ANLN: variants seen among roughly 807,000 people sequenced by gnomAD.
ANLN encodes anillin, actin binding protein, also known as anillin.
Under a neutral mutation model 135.1 loss-of-function variants are expected in ANLN, and 59 were observed. That is an observed-to-expected ratio of 0.44 (90% CI 0.35 to 0.54). The LOEUF is 0.54. Ranked by LOEUF, ANLN falls within the 20% of genes least tolerant of loss-of-function variation. The pLI is 0.00. For synonymous variants in ANLN, 406 were observed against 456.4 expected (o/e 0.89, Z 1.41); for missense variants, 1,182 against 1,340.0 (o/e 0.88, Z 1.84).
chr7:36,435,959 T>C (rs1788532586), intron 20 of ANLN, among the ~76,000 whole-genome samples: 1 of 151,322 alleles, frequency 6.6e-6, no homozygotes, highest in Non-Finnish European at 1.5e-5. Flanking sequence ...AAATAATGTA[T>C]TGAAATGAAA....
At chr7:36,427,193 T>G (rs1788117433) in intron 20 of ANLN, among the ~76,000 whole-genome samples, 165 bp downstream of exon 20, 1 of 151,828 alleles carries the variant, frequency 6.6e-6, no homozygotes, top group Non-Finnish European at 1.5e-5. Context: ...CTAAATGTTT[T>G]TTTTTTTTTT....
intron 3 of ANLN, among the ~76,000 whole-genome samples, chr7:36,405,241 G>A (rs1787139644): frequency 6.6e-6 from 1 of 152,270 alleles, no homozygotes; most frequent in South Asian, 2.1e-4. Context: ...CTATATAGTA[G>A]GCTACACCAT....
chr7:36,399,455 T>C (rs1427576085), intron 3 of ANLN, 62 bp downstream of exon 3: 2 of 1,383,652 alleles, frequency 1.4e-6, no homozygotes, highest in Non-Finnish European at 2.0e-6. Context: ...GTTTGGTATG[T>C]TGAACATTTT....
chr7:36,400,262 T>C (rs999045191), intron 3 of ANLN, among the ~76,000 whole-genome samples: 1 of 152,224 alleles, frequency 6.6e-6, no homozygotes, highest in African/African-American at 2.4e-5. Context: ...CTTTCTTTCA[T>C]GTGTCCTTAA....
chr7:36,417,193 TG>T lies in ANLN; in HGVS notation c.1633+5del, dbSNP rs1421490436. 6.5e-7 allele frequency: 1 copy of T among 1,545,102 alleles called. No individual in the cohort carries two copies. The highest frequency in any genetic ancestry group is 8.9e-7 in the Non-Finnish European group (1 of 1,128,640). On this transcript the variant is annotated splice_donor_region_variant and intron_variant, in intron 9 of 23. Coordinates refer to ENST00000265748, the MANE Select transcript of ANLN (RefSeq NM_018685.5). ...CCCAAAGGTTGAGCAGAAAATTGGT[TG>T]GTTTTTATTCTTTATTTATTATTAA... is the stretch of plus-strand genomic sequence containing the variant.
chr7:36,421,801 G>A, intron 12 of ANLN, 56 bp from the exon 13 acceptor site: 2 of 1,477,132 alleles, frequency 1.4e-6, no homozygotes, highest in South Asian at 2.6e-5. Flanking sequence ...AAAATTTAAA[G>A]TGAAAATGAT....
chr7:36,399,544 C>T (rs1341206498), intron 3 of ANLN, 151 bp downstream of exon 3: 2 of 742,360 alleles, frequency 2.7e-6, no homozygotes, highest in Non-Finnish European at 4.2e-6. Context: ...GGTTTGTCTA[C>T]CAGTAGTATA....
chr7:36,434,736 T>G (rs1184840221), intron 20 of ANLN, among the ~76,000 whole-genome samples: 1 of 151,998 alleles, frequency 6.6e-6, no homozygotes. Flanking sequence ...TAGTGGTGCA[T>G]GCCTGTAACC....
At chr7:36,411,025 C>A in intron 6 of ANLN, 34 bp from the exon 7 acceptor site, 1 of 1,539,622 alleles carries the variant, frequency 6.5e-7, no homozygotes, top group Non-Finnish European at 8.7e-7. Context: ...ATGCTACCGG[C>A]TCTTGTGTAA....
At chr7:36,391,117 TTC>T (rs2116472671) in intron 1 of ANLN, among the ~76,000 whole-genome samples, 1 of 152,364 alleles carries the variant, frequency 6.6e-6, no homozygotes, top group South Asian at 2.1e-4. Flanking sequence ...TAATCTATTT[TTC>T]TGTTTCAAAT....
At chr7:36,441,025 CA>C (rs1644692429) in intron 21 of ANLN, among the ~76,000 whole-genome samples, 1 of 152,200 alleles carries the variant, frequency 6.6e-6, no homozygotes, top group Admixed American at 6.5e-5. Context: ...TACTTATTAA[CA>C]GTATTTTTTC....
At chr7:36,431,561 TTGTGTGTGTGTGTG>T (rs1186662720) in intron 20 of ANLN, among the ~76,000 whole-genome samples, 109 of 76,030 alleles carry the variant, frequency 1.4e-3, no homozygotes, top group African/African-American at 4.0e-3. Flanking sequence ...ATGTGTGTGT[TTGTGTGTGTGTGTG>T]TGTGTGTGTG....
chr7:36,451,049 T>G (rs1168389496), intron 23 of ANLN, among the ~76,000 whole-genome samples: 2 of 152,224 alleles, frequency 1.3e-5, no homozygotes, highest in Non-Finnish European at 2.9e-5. Context: ...CGCCCAAGCA[T>G]ATGAGAGTAG....
At chr7:36,397,435 G>A (rs1409335254) in intron 2 of ANLN, among the ~76,000 whole-genome samples, 1 of 152,194 alleles carries the variant, frequency 6.6e-6, no homozygotes, top group African/African-American at 2.4e-5. Context: ...ACATTTCGAT[G>A]TTTAGGTAGA....
intron 4 of ANLN, among the ~76,000 whole-genome samples, chr7:36,407,521 A>G (rs1165244321): frequency 6.6e-6 from 1 of 152,140 alleles, no homozygotes; most frequent in Non-Finnish European, 1.5e-5. Context: ...ATGCAGACTA[A>G]CCCACATATT....
intron 1 of ANLN, among the ~76,000 whole-genome samples, chr7:36,393,495 G>A (rs955343261): frequency 6.6e-6 from 1 of 152,330 alleles, no homozygotes; most frequent in East Asian, 1.9e-4. Context: ...ACAGGTTATA[G>A]GCAGAGCTAT....
intron 3 of ANLN, among the ~76,000 whole-genome samples, chr7:36,402,517 C>T (rs1026069075): frequency 2.0e-5 from 3 of 152,150 alleles, no homozygotes; most frequent in African/African-American, 7.2e-5. Flanking sequence ...TTTTCTAAAA[C>T]ACTTGCCTGC....
At chr7:36,427,732 C>T (rs552140215) in intron 20 of ANLN, among the ~76,000 whole-genome samples, 2 of 152,156 alleles carry the variant, frequency 1.3e-5, no homozygotes, top group South Asian at 4.1e-4. Context: ...GGTAGATTAA[C>T]CTCTTAGAAA....
intron 20 of ANLN, among the ~76,000 whole-genome samples, chr7:36,437,409 C>G (rs149000380): frequency 3.9e-5 from 6 of 152,074 alleles, no homozygotes; most frequent in African/African-American, 1.4e-4. Context: ...ATGTATGTAC[C>G]GCATTTTTTT....
Sources: gnomAD v4.1 joint callset for allele counts (sites outside exome capture counted in the v4.1 genomes callset) on GRCh38, gnomAD v4.1.1 for gene constraint, MANE v1.5 for transcripts, NCBI Gene and HGNC (gene_info 2026-07-23, HGNC 2026-07-21) for gene names.